The following SSU72 variants were observed in gnomAD, a reference collection of about 807,000 sequenced individuals.
The protein encoded by SSU72 is RNA polymerase II subunit A C-terminal domain phosphatase SSU72.
A neutral mutation model predicts 22.7 loss-of-function variants in SSU72; 12 were observed. The observed-to-expected ratio is 0.53, with a 90% CI of 0.34 to 0.86. SSU72 has a LOEUF of 0.86. SSU72 is among the 40% of genes least tolerant of loss of function. SSU72 has a pLI of 0.02. For missense variants in SSU72, 151 were observed against 249.8 expected (o/e 0.60, Z 2.67); for synonymous variants, 116 against 98.3 (o/e 1.18, Z -1.06).
chr1:1,558,912 G>A (rs1055993821), intron 2 of SSU72, among the ~76,000 whole-genome samples: 1 of 152,166 alleles, frequency 6.6e-6, no homozygotes, highest in Admixed American at 6.5e-5. Context: ...TCTCCCCAAA[G>A]GCACTCCAAG....
intron 4 of SSU72, among the ~76,000 whole-genome samples, chr1:1,543,436 T>C (rs1395284847): frequency 1.3e-5 from 2 of 152,034 alleles, no homozygotes; most frequent in African/African-American, 4.8e-5. Context: ...GTTGGGGAGG[T>C]CCCTGTGCAG....
chr1:1,542,551 C>T lies in SSU72; in HGVS notation c.484-384G>A, dbSNP rs1379843905. ...AAGCGAGCGGGGGCAGCCTGGTCAT[C>T]GGAGCATCCTGGCCTCCATCCACCA... On this transcript the variant is annotated intron_variant, in intron 4 of 4. Transcript: ENST00000291386. This position sits in a 1 kb window ranked among gnomAD's most constrained non-coding sequence, Gnocchi z 4.4. Among the ~76,000 whole-genome samples the T allele has an allele frequency of 6.6e-6, 1 of 152,128 alleles. No homozygotes were observed. The highest frequency in any genetic ancestry group is 2.4e-5 in the African/African-American group (1 of 41,412).
At chr1:1,551,969 T>G (rs1177746364) in intron 2 of SSU72, among the ~76,000 whole-genome samples, 4 of 152,258 alleles carry the variant, frequency 2.6e-5, no homozygotes, top group African/African-American at 7.2e-5. Context: ...ATCAGGAACC[T>G]TCCAATTCAG....
Position 1,564,792 on chromosome 1 carries a change from G to C in SSU72, c.205C>G (p.Leu69Val). The C allele has an allele frequency of 6.2e-7, 1 of 1,614,216 alleles. No homozygotes were observed. Among genetic ancestry groups the C allele is most frequent in the Non-Finnish European group, 8.5e-7 (1 of 1,180,056 alleles). Residue 69 changes from leucine to valine, a missense_variant, in exon 2 of 5, where the codon CTT (leucine) becomes GTT (valine). Coordinates refer to ENST00000291386, the MANE Select transcript of SSU72 (RefSeq NM_014188.3). ...TTYDQMYNDL[L>V]RKDKELYTQN... ...GGATACAGTTCTTTGTCTTTCCTAA[G>C]AAGATCATTGTACATCTGGTCATAT...
At chr1:1,564,516 G>T in intron 2 of SSU72, 1 of 1,524,656 alleles carries the variant, frequency 6.6e-7, no homozygotes, top group Non-Finnish European at 8.8e-7. Flanking sequence ...GCTATGTCAC[G>T]ACCCTCTGCT....
At chr1:1,546,520 C>A (rs570030598) in intron 2 of SSU72, 1 of 152,318 alleles carries the variant, frequency 6.6e-6, no homozygotes, top group Non-Finnish European at 1.5e-5. Flanking sequence ...AGGCCGGGTG[C>A]GGCGGCTCAC....
Position 1,564,981 on chromosome 1 carries a change from A to G in SSU72, c.81-65T>C, listed in dbSNP as rs1570397280. 11 of 1,525,284 alleles carry G rather than the reference A, an allele frequency of 7.2e-6. No individual in the cohort carries two copies. The East Asian group carries it at 2.5e-4, about 34-fold the overall frequency. The allele number at this position is 1,525,284 out of a possible 1,614,324, so 94.5% of individuals were successfully genotyped here. A position where few individuals can be genotyped will look rare whatever the true frequency, so the allele number is the denominator to read the frequency against. On this transcript the variant is annotated intron_variant, in intron 1 of 4. Coordinates refer to ENST00000291386, the MANE Select transcript of SSU72 (RefSeq NM_014188.3). The stretch of plus-strand genomic sequence containing the variant: ...AGACACAAAATTCCAAAAGCAAGGG[A>G]CAGCAAATGGGATAGAAACAAAATG...
intron 1 of SSU72, among the ~76,000 whole-genome samples, chr1:1,565,912 G>A (rs1234318486): frequency 6.6e-6 from 1 of 152,204 alleles, no homozygotes; most frequent in East Asian, 1.9e-4. Flanking sequence ...AAATTCTTCT[G>A]TCATCGCTGA....
chr1:1,541,946 C>T lies in SSU72; in HGVS notation c.*120G>A, dbSNP rs1642326020. The T allele has an allele frequency of 1.1e-6, 1 of 875,446 alleles. No homozygotes were observed. The highest frequency in any genetic ancestry group is 1.7e-6 in the Non-Finnish European group (1 of 575,972). 54.2% of individuals were successfully genotyped at this position (875,446 alleles called of 1,614,324 possible). A position where few individuals can be genotyped will look rare whatever the true frequency, so the allele number is the denominator to read the frequency against. On this transcript the variant is annotated 3_prime_UTR_variant, in exon 5 of 5. Coordinates refer to ENST00000291386, the MANE Select transcript of SSU72 (RefSeq NM_014188.3). ...CATCTCCTCTCCCATTTCATATGCACAGTTTATTTGGGTAATGCTACCGTC... is the reference window on the plus strand; with the variant it reads ...CATCTCCTCTCCCATTTCATATGCATAGTTTATTTGGGTAATGCTACCGTC...
At chr1:1,564,612 C>T (rs756151752) in intron 2 of SSU72, 161 bp downstream of exon 2, 20 of 1,612,818 alleles carry the variant, frequency 1.2e-5, no homozygotes, top group South Asian at 2.2e-5. Flanking sequence ...AACCCGTGGA[C>T]GATCCGACGT....
chr1:1,542,134 C>G lies in SSU72; in HGVS notation c.517G>C (p.Asp173His). 2 of 1,593,192 alleles carry G rather than the reference C, an allele frequency of 1.3e-6. No homozygotes were observed. Among genetic ancestry groups the G allele is most frequent in the East Asian group, 2.3e-5 (1 of 44,198 alleles). ...QHTEDMENEI[D>H]ELLQEFEEKS... The stretch of plus-strand genomic sequence containing the variant: ...TCCTCGAACTCCTGCAGCAGCTCGT[C>G]GATCTCGTTCTCCATGTCTTCCGTG... The change falls in exon 5 of 5, where the codon GAC (aspartate) becomes CAC (histidine). Residue 173 changes from aspartate to histidine, a missense_variant. Transcript: ENST00000291386. This position sits in a 1 kb window ranked among gnomAD's most constrained non-coding sequence, Gnocchi z 4.4.
At chr1:1,573,285 C>T (rs918722162) in intron 1 of SSU72, among the ~76,000 whole-genome samples, 1 of 129,168 alleles carries the variant, frequency 7.7e-6, no homozygotes, top group Non-Finnish European at 1.6e-5. Flanking sequence ...AAAAAATTAG[C>T]CGTGCCTGGT....
chr1:1,573,706 G>T (rs1012811433), intron 1 of SSU72, among the ~76,000 whole-genome samples: 1 of 152,176 alleles, frequency 6.6e-6, no homozygotes, highest in Non-Finnish European at 1.5e-5. Context: ...GAGAAGAGAA[G>T]CGAAACACTG....
chr1:1,560,558 T>TG (rs1189412972), intron 2 of SSU72, among the ~76,000 whole-genome samples: 2 of 152,148 alleles, frequency 1.3e-5, no homozygotes. Context: ...TTCTGGCTTG[T>TG]GGGGGAAAAG....
intron 1 of SSU72, among the ~76,000 whole-genome samples, chr1:1,572,798 C>T (rs1642747847): frequency 7.2e-6 from 1 of 138,634 alleles, no homozygotes; most frequent in Admixed American, 8.0e-5. Context: ...AAATCTTGAA[C>T]AAAGGATCAC....
At chr1:1,566,740 G>C (rs541927651) in intron 1 of SSU72, among the ~76,000 whole-genome samples, 84 of 152,158 alleles carry the variant, frequency 5.5e-4, no homozygotes, top group African/African-American at 2.0e-3. Flanking sequence ...TATAGTCCCA[G>C]CTACTCGGGA....
At chr1:1,560,261 T>C (rs1416382483) in intron 2 of SSU72, among the ~76,000 whole-genome samples, 4 of 152,104 alleles carry the variant, frequency 2.6e-5, no homozygotes, top group African/African-American at 9.7e-5. Flanking sequence ...CACAGCTCAG[T>C]GAAGCCTCCT....
chr1:1,557,086 G>A (rs1642530994), intron 2 of SSU72, among the ~76,000 whole-genome samples: 1 of 151,902 alleles, frequency 6.6e-6, no homozygotes, highest in Non-Finnish European at 1.5e-5. Flanking sequence ...ACATTCATTT[G>A]TTTGACAAAT....
intron 1 of SSU72, among the ~76,000 whole-genome samples, chr1:1,571,866 C>A (rs539538608): frequency 2.6e-5 from 4 of 151,936 alleles, no homozygotes; most frequent in Non-Finnish European, 5.9e-5. Flanking sequence ...CAGCTCACTG[C>A]AAGCTCTGCT....
Sources: allele counts gnomAD v4.1 joint callset (sites outside exome capture counted in the v4.1 genomes callset), GRCh38; gene constraint gnomAD v4.1.1; non-coding constraint Gnocchi (gnomAD v3.1); transcripts MANE v1.5; gene names NCBI Gene and HGNC (gene_info 2026-07-23, HGNC 2026-07-21).